STK32A: variants seen among roughly 807,000 people sequenced by gnomAD.
STK32A encodes the protein serine/threonine kinase 32A, also known as serine/threonine-protein kinase 32A.
In STK32A, 41 loss-of-function variants were observed where a neutral mutation model predicts 53.2. That is an observed-to-expected ratio of 0.77 (90% CI 0.60 to 1.00). The LOEUF (loss-of-function observed/expected upper bound fraction) is 1.00. Among genes scored for constraint, STK32A ranks in the 50% least tolerant of loss-of-function variants. STK32A has a pLI of 0.00. For missense variants in STK32A, 458 were observed against 485.8 expected, an observed-to-expected ratio of 0.94 and a Z score of 0.54; for synonymous variants, 166 against 162.8, an observed-to-expected ratio of 1.02 and a Z score of -0.15.
Position 147,279,339 on chromosome 5 carries a change from T to C in STK32A, c.201T>C (p.Asn67=), listed in dbSNP as rs1403005203. 6.2e-7 allele frequency: 1 copy of C among 1,613,044 alleles called. No individual in the cohort carries two copies. The highest frequency in any genetic ancestry group is 2.2e-5 in the East Asian group (1 of 44,822). The change falls in exon 4 of 13, where the codon AAT becomes AAC. Residue 67 remains asparagine (N), a synonymous_variant. Transcript: ENST00000397936. The stretch of plus-strand genomic sequence containing the variant: ...GCGTGGAGCGCAATGAAGTGAGAAA[T>C]GTCTTCAAGGAACTCCAGATCATGC... ...QKCVERNEVR[N]VFKELQIMQG...
downstream of STK32A, among the ~76,000 whole-genome samples, chr5:147,389,586 A>G (rs1757748706): frequency 6.6e-6 from 1 of 152,160 alleles, no homozygotes; most frequent in South Asian, 2.1e-4. Flanking sequence ...TTTGTCCCAC[A>G]TAAAAAGAGC....
chr5:147,350,992 T>G, intron 6 of STK32A, 73 bp from the exon 7 acceptor site: 1 of 1,327,494 alleles, frequency 7.5e-7, no homozygotes, highest in Non-Finnish European at 1.1e-6. Flanking sequence ...TTGGGTGTTT[T>G]CAGTTAAAAG....
Position 147,317,410 on chromosome 5 carries a change from C to T in STK32A, c.261-6488C>T, listed in dbSNP as rs1294828053. Among the ~76,000 whole-genome samples, 3 of 127,692 alleles carry T rather than the reference C, an allele frequency of 2.3e-5. No individual in the cohort carries two copies. The South Asian group carries it at 7.8e-4, about 33-fold the overall frequency. The allele number at this position is 127,692 out of a possible 152,430, so 83.8% of individuals were successfully genotyped here. On this transcript the variant is annotated intron_variant, in intron 4 of 12. Transcript: ENST00000397936. ...TGGTGTGATCTCGGCTCACTGCAAC[C>T]TCCGCCGCCCAGGTTCAAGTGATTC...
the STK32A span, chr5:147,393,040 T>C: frequency 6.6e-6 from 1 of 152,176 alleles, no homozygotes; most frequent in Non-Finnish European, 1.5e-5. Context: ...GGCCCTTCAT[T>C]CTGCCTCATC....
chr5:147,322,839 C>T (rs1754383728), intron 4 of STK32A, among the ~76,000 whole-genome samples: 1 of 152,136 alleles, frequency 6.6e-6, no homozygotes, highest in South Asian at 2.1e-4. Context: ...CCCTACACTC[C>T]TTCCTGTGTG....
At chr5:147,312,849 C>T (rs988278396) in intron 4 of STK32A, among the ~76,000 whole-genome samples, 6 of 152,052 alleles carry the variant, frequency 3.9e-5, no homozygotes, top group Non-Finnish European at 7.4e-5. Context: ...TACCTTTGCC[C>T]TTTGTTTTGA....
chr5:147,383,987 C>CAG lies in STK32A; in HGVS notation c.*4_*5insAG. Reference sequence around the variant, plus strand: ...TGGTCAGAATAACAACTTGTAAAGGCCTCATGTCTTCTTCTTGGGACAATC... The same window carrying CAG: ...TGGTCAGAATAACAACTTGTAAAGGCAGCTCATGTCTTCTTCTTGGGACAATC... On this transcript the variant is annotated 3_prime_UTR_variant, in exon 13 of 13. Transcript: ENST00000397936. 6.3e-7 allele frequency: 1 copy of CAG among 1,598,198 alleles called. No homozygotes were observed. Among genetic ancestry groups the CAG allele is most frequent in the Non-Finnish European group, 8.5e-7 (1 of 1,175,136 alleles).
intron 6 of STK32A, chr5:147,348,958 A>G (rs994611756): frequency 3.2e-5 from 15 of 475,400 alleles, no homozygotes; most frequent in Admixed American, 2.9e-4. Flanking sequence ...ACAGCTAGTT[A>G]GTGGTAGAAC....
chr5:147,401,669 G>C, the STK32A span: 25 of 1,614,036 alleles, frequency 1.5e-5, no homozygotes, highest in Admixed American at 2.0e-4. Context: ...GAGGCTGGCA[G>C]TGATGGGCTC....
chr5:147,387,825 T>A lies in STK32A; in HGVS notation c.*3842T>A, dbSNP rs1170645189. The A allele has an allele frequency of 6.6e-6, 1 of 152,232 alleles. No individual in the cohort carries two copies. The highest frequency in any genetic ancestry group is 1.5e-5 in the Non-Finnish European group (1 of 68,040). 9.4% of individuals were successfully genotyped at this position (152,232 alleles called of 1,614,324 possible). On this transcript the variant is annotated 3_prime_UTR_variant, in exon 13 of 13. Coordinates refer to ENST00000397936, the MANE Select transcript of STK32A (RefSeq NM_001112724.2). ...AGCATATATAATATAAATGTGCCTA[T>A]GTGTATTAAAATGTCTTCTGTAAAC...
At chr5:147,362,071 AAATT>A (rs1756529635) in intron 8 of STK32A, among the ~76,000 whole-genome samples, 1 of 152,200 alleles carries the variant, frequency 6.6e-6, no homozygotes, top group Non-Finnish European at 1.5e-5. Flanking sequence ...GTTCAGTGAC[AAATT>A]AGAGTCATTT....
chr5:147,300,553 A>G (rs977358492), intron 4 of STK32A, among the ~76,000 whole-genome samples: 2 of 152,268 alleles, frequency 1.3e-5, no homozygotes, highest in East Asian at 3.8e-4. Flanking sequence ...AATATCTTTT[A>G]AATGAGCATG....
chr5:147,394,201 G>A, the STK32A span: 1 of 1,470,958 alleles, frequency 6.8e-7, no homozygotes, highest in Non-Finnish European at 9.4e-7. Flanking sequence ...GAGAGAAACT[G>A]GGTTAATTTT....
chr5:147,237,581 A>G (rs531383037), intron 1 of STK32A, among the ~76,000 whole-genome samples: 7 of 152,228 alleles, frequency 4.6e-5, no homozygotes, highest in Admixed American at 2.0e-4. Flanking sequence ...CTGGGTCTCA[A>G]TAATTCCACT....
chr5:147,379,855 T>C (rs983748467), intron 11 of STK32A, among the ~76,000 whole-genome samples: 9 of 152,192 alleles, frequency 5.9e-5, no homozygotes, highest in Admixed American at 2.6e-4. Flanking sequence ...TTTTAAGCGA[T>C]CATTTCCCTT....
intron 7 of STK32A, among the ~76,000 whole-genome samples, chr5:147,357,300 T>C (rs1756291763): frequency 6.6e-6 from 1 of 152,078 alleles, no homozygotes; most frequent in African/African-American, 2.4e-5. Context: ...TGCTACACTA[T>C]CAATATCTTT....
intron 2 of STK32A, among the ~76,000 whole-genome samples, chr5:147,273,350 G>T (rs1755126478): frequency 6.6e-6 from 1 of 152,174 alleles, no homozygotes; most frequent in Admixed American, 6.5e-5. Context: ...TTTGGGATGG[G>T]TAGGTATGTT....
intron 2 of STK32A, among the ~76,000 whole-genome samples, chr5:147,253,843 A>T (rs1754106652): frequency 6.6e-6 from 1 of 152,186 alleles, no homozygotes; most frequent in Non-Finnish European, 1.5e-5. Flanking sequence ...CTTAGAAGGC[A>T]AACGTATATC....
intron 2 of STK32A, among the ~76,000 whole-genome samples, chr5:147,276,297 T>A (rs1755258215): frequency 6.6e-6 from 1 of 152,194 alleles, no homozygotes; most frequent in South Asian, 2.1e-4. Flanking sequence ...TGTATATATA[T>A]GTCTACTCAA....
Sources: gnomAD v4.1 joint callset for allele counts (sites outside exome capture counted in the v4.1 genomes callset) on GRCh38, gnomAD v4.1.1 for gene constraint, MANE v1.5 for transcripts, NCBI Gene and HGNC (gene_info 2026-07-23, HGNC 2026-07-21) for gene names.